FGF14: variants seen among roughly 807,000 people sequenced by gnomAD.
FGF14 encodes the protein fibroblast growth factor 14.
A neutral mutation model predicts 25.5 loss-of-function variants in FGF14; 5 were observed. The observed-to-expected ratio is 0.20, with a 90% CI of 0.10 to 0.41. FGF14 has a LOEUF of 0.41. FGF14 is among the 10% of genes least tolerant of loss of function. The pLI, the probability that FGF14 is intolerant of heterozygous loss-of-function variation, is 1.00. For synonymous variants in FGF14, 138 were observed against 118.3 expected (o/e 1.17, Z -1.08); for missense variants, 222 against 320.1 (o/e 0.69, Z 2.34).
chr13:101,729,771 ATAAT>A (rs1356281299), intron 3 of FGF14, among the ~76,000 whole-genome samples: 2 of 151,350 alleles, frequency 1.3e-5, no homozygotes, highest in South Asian at 2.1e-4. Context: ...AGTCAGCTAC[ATAAT>A]TAGTCAATGA....
At chr13:102,316,038 C>G (rs2056005665) in intron 1 of FGF14, among the ~76,000 whole-genome samples, 3 of 152,114 alleles carry the variant, frequency 2.0e-5, no homozygotes, top group Admixed American at 1.3e-4. Flanking sequence ...AAGCATTTGG[C>G]CAGTGCTGTC....
At chr13:102,160,693 A>C (rs2047583383) in intron 1 of FGF14, among the ~76,000 whole-genome samples, 1 of 152,136 alleles carries the variant, frequency 6.6e-6, no homozygotes, top group Non-Finnish European at 1.5e-5. Flanking sequence ...AAAATGCTAG[A>C]ATATCCTCAA....
At chr13:102,086,872 T>C (rs1457838074) in intron 1 of FGF14, among the ~76,000 whole-genome samples, 1 of 152,212 alleles carries the variant, frequency 6.6e-6, no homozygotes, top group Non-Finnish European at 1.5e-5. Flanking sequence ...CTTTTAAAAC[T>C]TTCCAGGATT....
intron 3 of FGF14, among the ~76,000 whole-genome samples, chr13:101,806,423 GAAAA>G (rs145519828): frequency 6.6e-5 from 4 of 60,412 alleles, no homozygotes; most frequent in African/African-American, 2.2e-4. Context: ...CGTCTAAGAA[GAAAA>G]AAAAAAAAAA....
intron 3 of FGF14, among the ~76,000 whole-genome samples, chr13:101,771,562 ATTT>A (rs2139973307): frequency 6.6e-6 from 1 of 152,220 alleles, no homozygotes; most frequent in Non-Finnish European, 1.5e-5. Context: ...CTTGTAGTAA[ATTT>A]TAGACTTCAG....
At chr13:102,387,180 T>G (rs759969987) in intron 1 of FGF14, among the ~76,000 whole-genome samples, 39 of 152,276 alleles carry the variant, frequency 2.6e-4, no homozygotes, top group Non-Finnish European at 5.3e-4. Flanking sequence ...GAGAATTTAG[T>G]TGCTCTCATT....
At chr13:102,341,979 G>A (rs2056965666) in intron 1 of FGF14, among the ~76,000 whole-genome samples, 1 of 152,068 alleles carries the variant, frequency 6.6e-6, no homozygotes, top group African/African-American at 2.4e-5. Context: ...TAAGCTACAG[G>A]GAAACAAGCC....
intron 3 of FGF14, among the ~76,000 whole-genome samples, chr13:101,841,927 C>T (rs1228862604): frequency 6.6e-6 from 1 of 151,972 alleles, no homozygotes; most frequent in African/African-American, 2.4e-5. Flanking sequence ...AAAGAATACT[C>T]ACTCAGTATA....
chr13:102,377,058 T>G (rs1233443845), intron 1 of FGF14, among the ~76,000 whole-genome samples: 1 of 151,380 alleles, frequency 6.6e-6, no homozygotes, highest in African/African-American at 2.4e-5. Flanking sequence ...AAAGGCAAAT[T>G]CAAGCTAGTC....
intron 1 of FGF14, among the ~76,000 whole-genome samples, chr13:102,380,832 A>G (rs1410397280): frequency 6.6e-6 from 1 of 152,196 alleles, no homozygotes; most frequent in Non-Finnish European, 1.5e-5. Context: ...TTTGAAAAAT[A>G]AACACAGATA....
At chr13:101,800,989 C>T (rs1022223716) in intron 3 of FGF14, among the ~76,000 whole-genome samples, 1 of 152,136 alleles carries the variant, frequency 6.6e-6, no homozygotes, top group African/African-American at 2.4e-5. Context: ...TGAGATAATG[C>T]TCAGACATTC....
chr13:101,775,592 A>G (rs538404539), intron 3 of FGF14, among the ~76,000 whole-genome samples: 1 of 152,280 alleles, frequency 6.6e-6, no homozygotes, highest in East Asian at 1.9e-4. Context: ...CTTAGGAAAG[A>G]AAAGAGATGC....
chr13:101,842,165 T>A (rs2043226040), intron 3 of FGF14, among the ~76,000 whole-genome samples: 1 of 151,960 alleles, frequency 6.6e-6, no homozygotes, highest in Non-Finnish European at 1.5e-5. Context: ...TTAAGCTCCA[T>A]ATGGTGCCAA....
intron 3 of FGF14, among the ~76,000 whole-genome samples, chr13:101,834,712 T>C (rs182566720): frequency 6.6e-6 from 1 of 152,160 alleles, no homozygotes; most frequent in East Asian, 1.9e-4. Context: ...GGGAAACAGA[T>C]TGGTGAAGGT....
At chr13:102,330,765 A>G (rs1193302268) in intron 1 of FGF14, among the ~76,000 whole-genome samples, 2 of 151,992 alleles carry the variant, frequency 1.3e-5, no homozygotes, top group Non-Finnish European at 2.9e-5. Context: ...TCATGGCCTC[A>G]TTGTCCTCTA....
At chr13:101,774,239 G>C (rs945793428) in intron 3 of FGF14, among the ~76,000 whole-genome samples, 1 of 152,050 alleles carries the variant, frequency 6.6e-6, no homozygotes, top group Non-Finnish European at 1.5e-5. Context: ...ACCCATTTTT[G>C]TATGTAGTTC....
At chr13:102,285,024 A>G (rs181340733) in intron 1 of FGF14, among the ~76,000 whole-genome samples, 29 of 152,288 alleles carry the variant, frequency 1.9e-4, no homozygotes, top group African/African-American at 6.5e-4. Flanking sequence ...GTCACCAAAG[A>G]CACAAAAAGT....
Position 101,715,728 on chromosome 13 carries a change from T to C in FGF14, c.*7103A>G. ...ACAGATAAATGCGAAGGAAACCATG[T>C]ATATTCACCACTAGGACAGGTTAAA... is the stretch of plus-strand genomic sequence containing the variant. On this transcript the variant is annotated 3_prime_UTR_variant, in exon 5 of 5. Coordinates refer to ENST00000376143, the MANE Select transcript of FGF14 (RefSeq NM_004115.4). 2.1e-6 allele frequency: 2 copies of C among 932,360 alleles called. No homozygotes were observed. The highest frequency in any genetic ancestry group is 2.6e-5 in the South Asian group (2 of 76,384). 57.8% of individuals were successfully genotyped at this position (932,360 alleles called of 1,614,324 possible).
At chr13:102,308,970 A>T (rs542964652) in intron 1 of FGF14, among the ~76,000 whole-genome samples, 4 of 151,852 alleles carry the variant, frequency 2.6e-5, no homozygotes, top group African/African-American at 9.7e-5. Context: ...AGAGCACTCC[A>T]AAGTATCTGC....
Sources: allele counts gnomAD v4.1 joint callset (sites outside exome capture counted in the v4.1 genomes callset), GRCh38; gene constraint gnomAD v4.1.1; transcripts MANE v1.5; gene names NCBI Gene and HGNC (gene_info 2026-07-23, HGNC 2026-07-21).